Variants in MDGA2 observed in about 807,000 individuals in gnomAD.
The protein encoded by MDGA2 is MAM domain-containing glycosylphosphatidylinositol anchor protein 2.
A neutral mutation model predicts 117.8 loss-of-function variants in MDGA2; 40 were observed. The ratio of observed to expected loss-of-function variants is 0.34; its 90% confidence interval spans 0.26 to 0.44. The LOEUF (loss-of-function observed/expected upper bound fraction) is 0.44. MDGA2 is among the 20% of genes least tolerant of loss of function. The pLI is 1.00. For missense variants in MDGA2, 1,123 were observed against 1,250.6 expected (o/e 0.90, Z 1.54); for synonymous variants, 452 against 439.0 (o/e 1.03, Z -0.37).
At chr14:47,207,737 C>G (rs942867757) in intron 3 of MDGA2, among the ~76,000 whole-genome samples, 1 of 152,006 alleles carries the variant, frequency 6.6e-6, no homozygotes, top group Non-Finnish European at 1.5e-5. Flanking sequence ...CTCAGCATTA[C>G]CTCATGAAAC....
intron 3 of MDGA2, among the ~76,000 whole-genome samples, chr14:47,180,940 A>G (rs1884677266): frequency 6.6e-6 from 1 of 152,204 alleles, no homozygotes; most frequent in African/African-American, 2.4e-5. Flanking sequence ...AAACAAAAAA[A>G]TAAAACAAAC....
intron 1 of MDGA2, among the ~76,000 whole-genome samples, chr14:47,659,410 C>T (rs192943709): frequency 3.9e-5 from 6 of 152,148 alleles, no homozygotes; most frequent in African/African-American, 1.2e-4. Flanking sequence ...ATAGTTAAGC[C>T]GCTAAAAATA....
intron 9 of MDGA2, among the ~76,000 whole-genome samples, chr14:46,929,931 C>A (rs565424905): frequency 2.7e-5 from 4 of 150,866 alleles, no homozygotes; most frequent in African/African-American, 9.7e-5. Flanking sequence ...CCACTGCGCC[C>A]GGCCCATGAT....
rs1335481149 is a variant in MDGA2 at position 47,240,505 on chromosome 14, G to C, written c.421-22310C>G. On this transcript the variant is annotated intron_variant, in intron 2 of 16. Coordinates refer to ENST00000399232, the MANE Select transcript of MDGA2 (RefSeq NM_001113498.3). The stretch of plus-strand genomic sequence containing the variant: ...GTTCAAGAAGCACTGTATTTTGTCA[G>C]TGTCTGGAAAAATAACACCAAATGT... 1.3e-5 allele frequency among the ~76,000 whole-genome samples: 2 copies of C among 151,836 alleles called. 1 individual carries two copies.
chr14:47,264,128 C>T (rs1471207209), intron 2 of MDGA2, among the ~76,000 whole-genome samples: 1 of 152,122 alleles, frequency 6.6e-6, no homozygotes, highest in African/African-American at 2.4e-5. Flanking sequence ...TTTCAAGAAG[C>T]AGGGAGGCAT....
intron 1 of MDGA2, among the ~76,000 whole-genome samples, chr14:47,663,249 C>T (rs1897883556): frequency 6.6e-6 from 1 of 152,154 alleles, no homozygotes; most frequent in Non-Finnish European, 1.5e-5. Flanking sequence ...TGTGTCTTTG[C>T]TTAAGGTGAT....
At chr14:47,214,092 C>A (rs1398564714) in intron 3 of MDGA2, among the ~76,000 whole-genome samples, 2 of 152,034 alleles carry the variant, frequency 1.3e-5, no homozygotes, top group Non-Finnish European at 2.9e-5. Context: ...GAAGAGACCA[C>A]CTGCATGATT....
At chr14:47,111,301 A>T (rs893983302) in intron 5 of MDGA2, among the ~76,000 whole-genome samples, 3 of 152,186 alleles carry the variant, frequency 2.0e-5, no homozygotes, top group African/African-American at 7.2e-5. Flanking sequence ...GCTGTAGGTA[A>T]ACTCCAATGC....
intron 3 of MDGA2, chr14:47,200,961 G>A: frequency 1.2e-6 from 1 of 833,502 alleles, no homozygotes. Context: ...ACTTGTTTCT[G>A]TAGAAATTGC....
chr14:47,521,693 A>T (rs1894870631), intron 1 of MDGA2, among the ~76,000 whole-genome samples: 1 of 152,028 alleles, frequency 6.6e-6, no homozygotes, highest in South Asian at 2.1e-4. Flanking sequence ...TATTTTTGAG[A>T]TGGAGTCTTA....
intron 6 of MDGA2, among the ~76,000 whole-genome samples, chr14:47,095,524 T>G (rs1300695071): frequency 1.3e-5 from 2 of 151,946 alleles, no homozygotes; most frequent in Non-Finnish European, 2.9e-5. Flanking sequence ...ATAAACAAAT[T>G]TAGAAGAGCT....
At chr14:47,296,496 C>T (rs1889079010) in intron 2 of MDGA2, among the ~76,000 whole-genome samples, 1 of 152,020 alleles carries the variant, frequency 6.6e-6, no homozygotes, top group African/African-American at 2.4e-5. Flanking sequence ...TAAACAGCAA[C>T]CAGTAAATAG....
chr14:47,158,097 G>C (rs941270086), intron 3 of MDGA2, among the ~76,000 whole-genome samples: 4 of 151,896 alleles, frequency 2.6e-5, no homozygotes, highest in African/African-American at 9.7e-5. Flanking sequence ...CATATAAAAT[G>C]GTGGTTCCAC....
chr14:47,511,944 T>G (rs1313854025), intron 1 of MDGA2, among the ~76,000 whole-genome samples: 1 of 152,172 alleles, frequency 6.6e-6, no homozygotes, highest in African/African-American at 2.4e-5. Context: ...TGTGTGTGTA[T>G]TTAATGTTAA....
chr14:46,958,764 T>C (rs1050723882), intron 8 of MDGA2, among the ~76,000 whole-genome samples: 34 of 152,256 alleles, frequency 2.2e-4, no homozygotes, highest in African/African-American at 8.0e-4. Context: ...TGTTTTATTT[T>C]CTCTTTGCTT....
chr14:47,531,319 T>A (rs1356283535), intron 1 of MDGA2, among the ~76,000 whole-genome samples: 1 of 152,152 alleles, frequency 6.6e-6, no homozygotes. Flanking sequence ...TTGGATCTGG[T>A]ATTTCTCCTT....
chr14:47,154,987 G>A (rs976080870), intron 3 of MDGA2, among the ~76,000 whole-genome samples: 2 of 152,072 alleles, frequency 1.3e-5, no homozygotes, highest in Non-Finnish European at 2.9e-5. Context: ...TCCTCCCCTC[G>A]GAAGCCGATT....
At chr14:47,525,634 G>A (rs1040996017) in intron 1 of MDGA2, among the ~76,000 whole-genome samples, 2 of 152,038 alleles carry the variant, frequency 1.3e-5, no homozygotes, top group South Asian at 2.1e-4. Flanking sequence ...GCGGTGAACC[G>A]AGACTGCACC....
chr14:47,235,589 T>G (rs2139586452), intron 2 of MDGA2, among the ~76,000 whole-genome samples: 1 of 152,190 alleles, frequency 6.6e-6, no homozygotes, highest in East Asian at 1.9e-4. Context: ...CTTTGAGAGG[T>G]GCAAGCTCAG....
Sources: allele counts gnomAD v4.1 joint callset (sites outside exome capture counted in the v4.1 genomes callset), GRCh38; gene constraint gnomAD v4.1.1; transcripts MANE v1.5; gene names NCBI Gene and HGNC (gene_info 2026-07-23, HGNC 2026-07-21).